Variants in PRKD3 observed in about 807,000 individuals in gnomAD.
The protein encoded by PRKD3 is serine/threonine-protein kinase D3.
Under a neutral mutation model 99.2 loss-of-function variants are expected in PRKD3, and 47 were observed. That is an observed-to-expected ratio of 0.47 (90% confidence interval 0.38 to 0.60). PRKD3 has a LOEUF of 0.60. Ranked by LOEUF, PRKD3 falls within the 20% of genes least tolerant of loss-of-function variation. PRKD3 has a pLI of 0.00. For synonymous variants in PRKD3, 392 were observed against 355.4 expected (o/e 1.10, Z -1.16); for missense variants, 1,019 against 1,088.4 (o/e 0.94, Z 0.90).
chr2:37,316,030 A>C (rs531259494), intron 2 of PRKD3, among the ~76,000 whole-genome samples: 1 of 152,264 alleles, frequency 6.6e-6, no homozygotes, highest in South Asian at 2.1e-4. Flanking sequence ...CAGCCAAATA[A>C]ATGTATTTTA....
intron 14 of PRKD3, among the ~76,000 whole-genome samples, chr2:37,266,812 ATTTC>A (rs1353449579): frequency 3.3e-5 from 5 of 152,132 alleles, no homozygotes; most frequent in African/African-American, 9.7e-5. Flanking sequence ...TACGACCATG[ATTTC>A]TTTAATAATA....
At chr2:37,306,684 C>A (rs1240421145) in intron 2 of PRKD3, among the ~76,000 whole-genome samples, 1 of 152,108 alleles carries the variant, frequency 6.6e-6, no homozygotes, top group Admixed American at 6.5e-5. Flanking sequence ...TGGCCGGAGT[C>A]TGTGGTCCAG....
chr2:37,289,540 T>A, intron 4 of PRKD3, 27 bp from the exon 5 acceptor site: 1 of 1,552,758 alleles, frequency 6.4e-7, no homozygotes, highest in South Asian at 1.2e-5. Context: ...AGGTAAAATA[T>A]AAGATTTAAA....
intron 2 of PRKD3, among the ~76,000 whole-genome samples, chr2:37,303,066 C>G (rs949273533): frequency 2.6e-5 from 4 of 152,146 alleles, no homozygotes; most frequent in Non-Finnish European, 1.5e-5. Context: ...AGACCCCAGA[C>G]TCAGCCAGTA....
intron 2 of PRKD3, among the ~76,000 whole-genome samples, chr2:37,308,969 A>G (rs1426166445): frequency 6.6e-6 from 1 of 151,964 alleles, no homozygotes; most frequent in Non-Finnish European, 1.5e-5. Context: ...CTTATTTTTC[A>G]GATTTTTAAA....
At position 37,275,796 on chromosome 2, in the gene PRKD3, G is replaced by A. The variant is rs1669539146; in HGVS notation, c.1345C>T (p.Gln449Ter). The A allele has an allele frequency of 6.2e-7, 1 of 1,609,654 alleles. No individual in the cohort carries two copies. Among genetic ancestry groups the A allele is most frequent in the African/African-American group, 1.3e-5 (1 of 74,748 alleles). ...RLDSKCLTLF[Q>*]NESGSKYYKE... is the part of the protein sequence containing the mutation. ...TAATACTTTGATCCAGATTCATTCT[G>A]AAATAATGTTAGACATTTGCTGTCA... is the stretch of plus-strand genomic sequence containing the variant. The change falls in exon 10 of 19, where the codon CAG (glutamine) becomes TAG (stop). Residue 449 changes from glutamine to a stop codon, truncating the protein, a stop_gained. Coordinates refer to ENST00000234179, the MANE Select transcript of PRKD3 (RefSeq NM_005813.6). LOFTEE classifies it high-confidence loss of function.
chr2:37,302,275 A>C (rs1198035713), intron 2 of PRKD3, among the ~76,000 whole-genome samples: 1 of 152,184 alleles, frequency 6.6e-6, no homozygotes, highest in African/African-American at 2.4e-5. Context: ...TGCTTACTAC[A>C]AACTGTGCCG....
chr2:37,259,943 T>A (rs1043136548), intron 15 of PRKD3, among the ~76,000 whole-genome samples: 1 of 152,136 alleles, frequency 6.6e-6, no homozygotes, highest in African/African-American at 2.4e-5. Context: ...GGCAGGTGGA[T>A]CACTTGAGGC....
chr2:37,267,407 AG>A, intron 14 of PRKD3, 22 bp downstream of exon 14: 1 of 1,453,712 alleles, frequency 6.9e-7, no homozygotes, highest in Non-Finnish European at 9.5e-7. Flanking sequence ...TTAATAAACC[AG>A]TTTTTTATTT....
chr2:37,289,805 GA>G (rs1429267017), intron 4 of PRKD3, among the ~76,000 whole-genome samples: 2 of 152,168 alleles, frequency 1.3e-5, no homozygotes, highest in African/African-American at 4.8e-5. Flanking sequence ...CAGATCTACT[GA>G]ATTAGAAACT....
At chr2:37,318,068 C>A (rs1671737857) in intron 1 of PRKD3, among the ~76,000 whole-genome samples, 1 of 151,800 alleles carries the variant, frequency 6.6e-6, no homozygotes, top group Non-Finnish European at 1.5e-5. Flanking sequence ...CATCTATATA[C>A]CCATAAATAA....
chr2:37,260,993 C>G (rs1186545217), intron 14 of PRKD3, among the ~76,000 whole-genome samples: 3 of 152,180 alleles, frequency 2.0e-5, no homozygotes, highest in African/African-American at 7.2e-5. Flanking sequence ...TGTTCTACTA[C>G]AGAAAATCCT....
chr2:37,287,441 G>A (rs1388302440), intron 5 of PRKD3, among the ~76,000 whole-genome samples: 1 of 144,516 alleles, frequency 6.9e-6, no homozygotes, highest in Non-Finnish European at 1.5e-5. Flanking sequence ...GTTTTTTTCT[G>A]ACTTCTTTTC....
chr2:37,269,341 CT>C (rs1395720865), intron 13 of PRKD3: 16 of 399,902 alleles, frequency 4.0e-5, no homozygotes, highest in African/African-American at 8.1e-5. Context: ...ATCTCCCCCC[CT>C]GCCTCCGACA....
At chr2:37,283,929 C>G (rs1391755880) in intron 6 of PRKD3, among the ~76,000 whole-genome samples, 1 of 150,438 alleles carries the variant, frequency 6.6e-6, no homozygotes, top group Non-Finnish European at 1.5e-5. Flanking sequence ...AAATTCAGAG[C>G]CGAATTTGTG....
In PRKD3 at chr2:37,299,639, AC is replaced by A. The variant is rs372432049; in HGVS notation, c.289-6369del. The stretch of plus-strand genomic sequence containing the variant: ...AAAATATTTGCAAACTATTCAACTG[AC>A]AAGGGGTTAATAACCAGAATATATA... On this transcript the variant is annotated intron_variant, in intron 2 of 18. Transcript: ENST00000234179. Among the ~76,000 whole-genome samples, 47 of 152,232 alleles carry A rather than the reference AC, an allele frequency of 3.1e-4. 1 individual carries two copies. In the South Asian group the frequency reaches 9.5e-3, roughly 31 times the overall value.
At chr2:37,285,338 A>C (rs993529905) in intron 6 of PRKD3, among the ~76,000 whole-genome samples, 1 of 152,232 alleles carries the variant, frequency 6.6e-6, no homozygotes, top group Non-Finnish European at 1.5e-5. Flanking sequence ...TAATTATTCC[A>C]GTATGCTGTT....
At chr2:37,300,948 T>A (rs1212789839) in intron 2 of PRKD3, among the ~76,000 whole-genome samples, 1 of 152,220 alleles carries the variant, frequency 6.6e-6, no homozygotes, top group African/African-American at 2.4e-5. Context: ...TTTTGCCACG[T>A]TTTTATAGTG....
chr2:37,253,181 G>C lies in PRKD3; in HGVS notation c.2669C>G (p.Pro890Arg). ...TTATTTAGGTTAGCTCAGTGATTAA[G>C]GATCTTCTTCCATATCATCTGGATT... is the stretch of plus-strand genomic sequence containing the variant. ...APNPDDMEED[P>R] The change falls in exon 19 of 19, where the codon CCT (proline) becomes CGT (arginine). Residue 890 changes from proline to arginine, a missense_variant. Pro to Arg is a moderately radical substitution (Grantham distance 103, BLOSUM62 -2). This residue lies in a region of PRKD3 where 125 missense variants were observed against 120.6 expected (regional missense o/e 1.04). Coordinates refer to ENST00000234179, the MANE Select transcript of PRKD3 (RefSeq NM_005813.6). The C allele has an allele frequency of 6.3e-7, 1 of 1,597,722 alleles. No individual in the cohort carries two copies. Among genetic ancestry groups the C allele is most frequent in the Non-Finnish European group, 8.5e-7 (1 of 1,170,456 alleles).
Sources: allele counts gnomAD v4.1 joint callset (sites outside exome capture counted in the v4.1 genomes callset), GRCh38; gene constraint gnomAD v4.1.1; regional missense constraint gnomAD v4.1.1; transcripts MANE v1.5; gene names NCBI Gene and HGNC (gene_info 2026-07-23, HGNC 2026-07-21).